The following FRY variants were observed in gnomAD, a reference collection of about 807,000 sequenced individuals.
FRY encodes the protein FRY microtubule binding protein.
A neutral mutation model predicts 348.4 loss-of-function variants in FRY; 128 were observed. That is an observed-to-expected ratio of 0.37 (90% CI 0.32 to 0.43). The LOEUF (loss-of-function observed/expected upper bound fraction) is 0.43. FRY is among the 20% of genes least tolerant of loss of function. The probability of loss-of-function intolerance (pLI) is 1.00; values close to 1 mark genes in which losing one functional copy is unlikely to be tolerated. For missense variants in FRY, 2,736 were observed against 3,695.2 expected (o/e 0.74, Z 6.73); for synonymous variants, 1,370 against 1,374.7 (o/e 1.00, Z 0.08).
intron 17 of FRY, among the ~76,000 whole-genome samples, chr13:32,163,085 G>A (rs1478989763): frequency 7.2e-5 from 11 of 152,184 alleles, no homozygotes; most frequent in Non-Finnish European, 7.3e-5. Flanking sequence ...GGCAGAGACT[G>A]AGAATAAAGA....
chr13:32,117,255 G>A, intron 3 of FRY, 79 bp from the exon 4 acceptor site: 1 of 1,298,294 alleles, frequency 7.7e-7, no homozygotes, highest in Non-Finnish European at 1.1e-6. Flanking sequence ...GTAGTGCTTG[G>A]GGTTACTTGT....
Position 32,239,273 on chromosome 13 carries a change from G to T in FRY, c.6440G>T (p.Cys2147Phe). 2.5e-6 allele frequency: 4 copies of T among 1,606,780 alleles called. No individual in the cohort carries two copies. The highest frequency in any genetic ancestry group is 1.7e-5 in the Admixed American group (1 of 60,010). The change falls in exon 45 of 61, where the codon TGT becomes TTT. Residue 2147 changes from cysteine (C) to phenylalanine (F), a missense_variant. Transcript: ENST00000542859. This position sits in a 1 kb window ranked among gnomAD's most constrained non-coding sequence, Gnocchi z 4.3. ...HAIGFPLNVLCLLPQLIQHFE... is the reference protein window; with the variant it reads ...HAIGFPLNVLFLLPQLIQHFE... Reference sequence around the variant, plus strand: ...CCAGGGTTTCCACTGAATGTCTTGTGTCTCCTGCCTCAGCTGATTCAGCAT... The same window carrying T: ...CCAGGGTTTCCACTGAATGTCTTGTTTCTCCTGCCTCAGCTGATTCAGCAT...
chr13:32,237,713 G>C lies in FRY; in HGVS notation c.6145G>C (p.Val2049Leu). ...GCTGGCCACCATATTCTGGGTCACAGTGGCCTTGATGGAGTCTGATTTTGA... is the reference window on the plus strand; with the variant it reads ...GCTGGCCACCATATTCTGGGTCACACTGGCCTTGATGGAGTCTGATTTTGA... ...NLLATIFWVT[V>L]ALMESDFEFE... The change falls in exon 44 of 61, where the codon GTG (valine) becomes CTG (leucine). Residue 2049 changes from valine (V) to leucine (L), a missense_variant. Val to Leu is a conservative substitution (Grantham distance 32, BLOSUM62 1). Transcript: ENST00000542859. The surrounding 1 kb of genome is among the most constrained non-coding windows in gnomAD (Gnocchi z 6.3). 1 of 1,614,192 alleles carries C rather than the reference G, an allele frequency of 6.2e-7. No homozygotes were observed. Among genetic ancestry groups the C allele is most frequent in the South Asian group, 1.1e-5 (1 of 91,086 alleles).
intron 15 of FRY, among the ~76,000 whole-genome samples, chr13:32,156,253 C>T (rs924716936): frequency 1.3e-5 from 2 of 152,158 alleles, no homozygotes; most frequent in African/African-American, 4.8e-5. Flanking sequence ...GAGAAACACA[C>T]AAGGAAATTT....
At chr13:32,124,213 A>G (rs1302682578) in intron 4 of FRY, 73 bp from the exon 5 acceptor site, 1 of 926,716 alleles carries the variant, frequency 1.1e-6, no homozygotes, top group Non-Finnish European at 1.8e-6. Context: ...GAGGAGTCCT[A>G]GATTTTTTAT....
chr13:32,188,181 A>T (rs889432617), intron 28 of FRY, among the ~76,000 whole-genome samples: 4 of 152,172 alleles, frequency 2.6e-5, no homozygotes, highest in Admixed American at 2.6e-4. Context: ...TAAAAATTTT[A>T]AAAATATAAA....
chr13:32,073,212 A>T (rs1874786119), intron 1 of FRY, among the ~76,000 whole-genome samples: 3 of 152,318 alleles, frequency 2.0e-5, no homozygotes, highest in Non-Finnish European at 1.5e-5. Context: ...ATGGGAAAGC[A>T]GTGTGATCAT....
At chr13:32,044,603 CA>C (rs1341505365) in intron 1 of FRY, among the ~76,000 whole-genome samples, 1 of 152,162 alleles carries the variant, frequency 6.6e-6, no homozygotes, top group Non-Finnish European at 1.5e-5. Flanking sequence ...GTTGGCAGCC[CA>C]GTTAGAGCCA....
At chr13:32,185,178 T>C in intron 26 of FRY, 30 bp downstream of exon 26, 1 of 1,602,902 alleles carries the variant, frequency 6.2e-7, no homozygotes, top group Non-Finnish European at 8.5e-7. Context: ...GAAATTACCA[T>C]TCATGCTTGG....
chr13:32,053,786 G>T (rs1012536727), intron 1 of FRY, among the ~76,000 whole-genome samples: 5 of 152,208 alleles, frequency 3.3e-5, no homozygotes, highest in South Asian at 4.1e-4. Flanking sequence ...AGACTAGGTT[G>T]TCTCCTTCTT....
At chr13:32,284,478 T>A (rs1445316007) in intron 58 of FRY, among the ~76,000 whole-genome samples, 1 of 152,234 alleles carries the variant, frequency 6.6e-6, no homozygotes, top group East Asian at 1.9e-4. Flanking sequence ...CTTTCTCATA[T>A]TGGCTAAAGA....
intron 10 of FRY, among the ~76,000 whole-genome samples, chr13:32,136,039 T>TAAAA (rs138896602): frequency 0.11 from 16,049 of 151,002 alleles, 867 homozygotes; most frequent in Admixed American, 0.15. Context: ...TAAGTTAATT[T>TAAAA]AAAAAAAAAC....
chr13:32,086,882 T>C lies in FRY; in HGVS notation c.270+7849T>C, dbSNP rs575720700. 2.6e-5 allele frequency among the ~76,000 whole-genome samples: 4 copies of C among 152,316 alleles called. No individual in the cohort carries two copies. The South Asian group carries it at 8.3e-4, about 32-fold the overall frequency. ...TGAGTGAAAATGGGGATTTTCATTA[T>C]TGAGGTTGCTTGAGCCTTAGTAGCC... On this transcript the variant is annotated intron_variant, in intron 2 of 60. Coordinates refer to ENST00000542859, the MANE Select transcript of FRY (RefSeq NM_023037.3).
rs767411681 is a variant in FRY at position 32,202,515 on chromosome 13, C to T, written c.4006C>T (p.Pro1336Ser). The T allele has an allele frequency of 1.7e-5, 27 of 1,613,060 alleles. No individual in the cohort carries two copies. The highest frequency in any genetic ancestry group is 2.2e-5 in the Non-Finnish European group (26 of 1,179,084). ...LARMYPELTL[P>S]LFSEVSQRFP... ...CAGGATGTACCCTGAGCTCACACTC[C>T]CCCTCTTCTCAGGTACCAGGCAATA... The change falls in exon 31 of 61, where the codon CCC becomes TCC. Residue 1336 changes from proline (P) to serine (S), a missense_variant. This residue lies in a region of FRY where 794 missense variants were observed against 977.0 expected (regional missense o/e 0.81). Transcript: ENST00000542859.
rs768344537 is a variant in FRY, at chr13:32,157,348, G to A, written c.1727G>A (p.Arg576Lys). Residue 576 changes from arginine (R) to lysine (K), a missense_variant, in exon 16 of 61, where the codon AGG (arginine) becomes AAG (lysine). Transcript: ENST00000542859. Reference sequence around the variant, plus strand: ...AGGCACCTTGATAAAGAAGTAGGAAGGTGTATGATGCTGACTAATGTACAG... The same window carrying A: ...AGGCACCTTGATAAAGAAGTAGGAAAGTGTATGATGCTGACTAATGTACAG... The part of the protein sequence containing the change: ...ILRHLDKEVG[R>K]CMMLTNVQML... The A allele has an allele frequency of 6.2e-7, 1 of 1,613,138 alleles. No homozygotes were observed.
intron 1 of FRY, among the ~76,000 whole-genome samples, chr13:32,068,034 C>G (rs1874371164): frequency 6.6e-6 from 1 of 152,108 alleles, no homozygotes; most frequent in Non-Finnish European, 1.5e-5. Context: ...CAGTCTCACC[C>G]CAGACTCTGA....
chr13:32,122,989 C>T (rs188638358), intron 4 of FRY, among the ~76,000 whole-genome samples: 74 of 152,074 alleles, frequency 4.9e-4, no homozygotes, highest in African/African-American at 1.7e-3. Context: ...ACCAAGGAGT[C>T]GAAAGACCTC....
intron 11 of FRY, among the ~76,000 whole-genome samples, chr13:32,142,652 A>G (rs1198759579): frequency 6.6e-6 from 1 of 152,236 alleles, no homozygotes; most frequent in East Asian, 1.9e-4. Context: ...CTGTCATTAT[A>G]ATATGAAAAT....
At chr13:32,184,873 C>CT in intron 25 of FRY, 103 bp from the exon 26 acceptor site, 1 of 1,142,548 alleles carries the variant, frequency 8.8e-7, no homozygotes, top group African/African-American at 1.5e-5. Context: ...TTAGGAACAA[C>CT]TTTAGTGTGT....
Sources: allele counts gnomAD v4.1 joint callset (sites outside exome capture counted in the v4.1 genomes callset), GRCh38; gene constraint gnomAD v4.1.1; regional missense constraint gnomAD v4.1.1; non-coding constraint Gnocchi (gnomAD v3.1); transcripts MANE v1.5; gene names NCBI Gene and HGNC (gene_info 2026-07-23, HGNC 2026-07-21).